The following ZNF496 variants were observed in gnomAD, a reference collection of about 807,000 sequenced individuals.
ZNF496 encodes the protein zinc finger protein 496, also known as NSD1 (nuclear receptor binding SET-domain containing 1)-interacting zinc finger protein 1.
ZNF496 carries 11 observed loss-of-function variants against 58.9 expected under a neutral mutation model. The observed-to-expected ratio is 0.19, with a 90% CI of 0.12 to 0.31. The LOEUF is 0.31. Among genes scored for constraint, ZNF496 ranks in the 10% least tolerant of loss-of-function variants. ZNF496 has a pLI of 1.00. For synonymous variants in ZNF496, 338 were observed against 318.2 expected, an observed-to-expected ratio of 1.06 and a Z score of -0.66; for missense variants, 660 against 783.0, an observed-to-expected ratio of 0.84 and a Z score of 1.88.
chr1:247,325,150 C>A (rs1202152671), intron 5 of ZNF496, among the ~76,000 whole-genome samples: 1 of 152,196 alleles, frequency 6.6e-6, no homozygotes, highest in African/African-American at 2.4e-5. Flanking sequence ...ACAAAGCCTG[C>A]AGGAAACAGC....
At position 247,298,814 on chromosome 1, in the gene ZNF496, A is replaced by G. The variant is rs925989658; in HGVS notation, c.*1705T>C. The G allele has an allele frequency of 1.3e-5, 2 of 152,236 alleles. No homozygotes were observed. The highest frequency in any genetic ancestry group is 2.9e-5 in the Non-Finnish European group (2 of 68,074). The allele number at this position is 152,236 out of a possible 1,614,324, so 9.4% of individuals were successfully genotyped here. A position where few individuals can be genotyped will look rare whatever the true frequency, so the allele number is the denominator to read the frequency against. Reference sequence around the variant, plus strand: ...TAGCCAACATAACCAGTCTTCCAGGAACAATACCATGTTTTAAATTGCTTG... The same window carrying G: ...TAGCCAACATAACCAGTCTTCCAGGGACAATACCATGTTTTAAATTGCTTG... On this transcript the variant is annotated 3_prime_UTR_variant, in exon 10 of 10. Coordinates refer to ENST00000682384, the MANE Select transcript of ZNF496 (RefSeq NM_032752.3).
In ZNF496 at chr1:247,309,290, TG is replaced by T; in HGVS notation, c.892+408del. On this transcript the variant is annotated intron_variant, in intron 8 of 9. Transcript: ENST00000682384. This position sits in a 1 kb window ranked among gnomAD's most constrained non-coding sequence, Gnocchi z 4.3. Reference sequence around the variant, plus strand: ...TCACAGCACCCCTGTACCAGGCAGATGGGAAGACTAGACAGGTGAGGCACCT... The same window carrying T: ...TCACAGCACCCCTGTACCAGGCAGATGGAAGACTAGACAGGTGAGGCACCT... The T allele has an allele frequency of 1.4e-6, 1 of 708,660 alleles. No individual in the cohort carries two copies. The highest frequency in any genetic ancestry group is 1.8e-6 in the Non-Finnish European group (1 of 564,578). 43.9% of individuals were successfully genotyped at this position (708,660 alleles called of 1,614,324 possible). A position where few individuals can be genotyped will look rare whatever the true frequency, so the allele number is the denominator to read the frequency against.
intron 9 of ZNF496, among the ~76,000 whole-genome samples, chr1:247,303,372 G>T (rs567596300): frequency 6.6e-6 from 1 of 152,342 alleles, no homozygotes; most frequent in Admixed American, 6.5e-5. Context: ...TGTTATGGTA[G>T]CCACAGTAGA....
Position 247,331,542 on chromosome 1 carries a change from T to C in ZNF496, c.-264A>G, listed in dbSNP as rs1450539907. 1 of 152,028 alleles carries C rather than the reference T, an allele frequency of 6.6e-6. No individual in the cohort carries two copies. The highest frequency in any genetic ancestry group is 1.5e-5 in the Non-Finnish European group (1 of 68,026). 9.4% of individuals were successfully genotyped at this position (152,028 alleles called of 1,614,324 possible). On this transcript the variant is annotated 5_prime_UTR_variant, in exon 2 of 10. Coordinates refer to ENST00000682384, the MANE Select transcript of ZNF496 (RefSeq NM_032752.3). ...AGCCCGCCCGGCCGGGCGTACTCGC[T>C]GAGGCGGGGTCTCCGCAGGCGCCCG... is the stretch of plus-strand genomic sequence containing the variant.
Position 247,329,721 on chromosome 1 carries a change from G to A in ZNF496, c.-37-106C>T. On this transcript the variant is annotated intron_variant, in intron 3 of 9. Coordinates refer to ENST00000682384, the MANE Select transcript of ZNF496 (RefSeq NM_032752.3). This position sits in a 1 kb window ranked among gnomAD's most constrained non-coding sequence, Gnocchi z 5.5. ...CAATGCCCTCAGAGACCAGCCCTTT[G>A]GAGAAGCCCTGGGAAAGGTAGGGAG... 9.0e-7 allele frequency: 1 copy of A among 1,106,382 alleles called. No homozygotes were observed. The highest frequency in any genetic ancestry group is 1.3e-6 in the Non-Finnish European group (1 of 790,324). 68.5% of individuals were successfully genotyped at this position (1,106,382 alleles called of 1,614,324 possible). A position where few individuals can be genotyped will look rare whatever the true frequency, so the allele number is the denominator to read the frequency against.
Position 247,329,126 on chromosome 1 carries a change from G to T in ZNF496, c.390+63C>A. 6.2e-7 allele frequency: 1 copy of T among 1,609,222 alleles called. No homozygotes were observed. The highest frequency in any genetic ancestry group is 1.7e-5 in the Admixed American group (1 of 59,760). On this transcript the variant is annotated intron_variant, in intron 4 of 9. Coordinates refer to ENST00000682384, the MANE Select transcript of ZNF496 (RefSeq NM_032752.3). The surrounding 1 kb of genome is among the most constrained non-coding windows in gnomAD (Gnocchi z 5.5). ...CTCATTCCCCAGCCAGCACATGCAT[G>T]GCCCAGCCAAAGTGTCTAAGTACCA...
rs2103031029 is a variant in ZNF496, at chr1:247,324,545, G to C, written c.575-1315C>G. On this transcript the variant is annotated intron_variant, in intron 5 of 9. Coordinates refer to ENST00000682384, the MANE Select transcript of ZNF496 (RefSeq NM_032752.3). ...TTAGCTTGACTTTTTTTTTTTTTAA[G>C]AGACTGGTCTCACTAGGTTGCCTAG... 2.8e-5 allele frequency among the ~76,000 whole-genome samples: 4 copies of C among 144,892 alleles called. No homozygotes were observed. In the East Asian group the frequency reaches 8.0e-4, roughly 29 times the overall value.
chr1:247,307,890 A>C, intron 9 of ZNF496: 1 of 985,034 alleles, frequency 1.0e-6, no homozygotes. Flanking sequence ...GACGACTCAG[A>C]GTCTACACTG....
chr1:247,314,190 C>A (rs1659700478), intron 6 of ZNF496, among the ~76,000 whole-genome samples: 1 of 152,168 alleles, frequency 6.6e-6, no homozygotes, highest in Non-Finnish European at 1.5e-5. Context: ...TCCCAAGTAG[C>A]TGGGACTACA....
chr1:247,304,237 C>T (rs1659334640), intron 9 of ZNF496, among the ~76,000 whole-genome samples: 2 of 152,178 alleles, frequency 1.3e-5, no homozygotes, highest in South Asian at 4.1e-4. Context: ...CCAGAGAGTA[C>T]AGGCTCAGGA....
intron 6 of ZNF496, chr1:247,311,416 AAC>A (rs1558152269): frequency 1.8e-5 from 2 of 108,124 alleles, no homozygotes; most frequent in Non-Finnish European, 3.8e-5. Context: ...AAAAAAACAA[AAC>A]ACACACACAG....
Position 247,310,365 on chromosome 1 carries a change from T to A in ZNF496, c.743A>T (p.Glu248Val). The change falls in exon 7 of 10, where the codon GAG becomes GTG. Residue 248 changes from glutamate (E) to valine (V), a missense_variant. By Grantham distance (121) the Glu-to-Val change is moderately radical. Transcript: ENST00000682384. ...LDPAQTGFYG[E>V]FIIGEDYGVS... ...CCCGTAATCCTCCCCAATGATGAAC[T>A]CTCCATAGAAGCCAGTCTGGGCAGG... 6.2e-7 allele frequency: 1 copy of A among 1,614,078 alleles called. No homozygotes were observed. The highest frequency in any genetic ancestry group is 2.2e-5 in the East Asian group (1 of 44,870).
At position 247,308,525 on chromosome 1, in the gene ZNF496, G is replaced by A; in HGVS notation, c.956C>T (p.Pro319Leu). 1 of 1,614,114 alleles carries A rather than the reference G, an allele frequency of 6.2e-7. No homozygotes were observed. The highest frequency in any genetic ancestry group is 1.1e-5 in the South Asian group (1 of 91,070). The change falls in exon 9 of 10, where the codon CCA (proline) becomes CTA (leucine). Residue 319 changes from proline to leucine, a missense_variant. Transcript: ENST00000682384. The surrounding 1 kb of genome is among the most constrained non-coding windows in gnomAD (Gnocchi z 4.5). ...ERRKREELQV[P>L]EFQACPQTVV... Reference sequence around the variant, plus strand: ...CGTCTGTGGGCAGGCCTGGAACTCTGGCACCTGCAGCTCCTCACGTTTCCT... The same window carrying A: ...CGTCTGTGGGCAGGCCTGGAACTCTAGCACCTGCAGCTCCTCACGTTTCCT...
intron 9 of ZNF496, among the ~76,000 whole-genome samples, chr1:247,302,733 C>T (rs538003879): frequency 2.0e-5 from 3 of 152,234 alleles, no homozygotes; most frequent in Admixed American, 6.5e-5. Context: ...TGGGTCATCT[C>T]GTCTACAAGG....
At chr1:247,307,835 G>A in intron 9 of ZNF496, 1 of 985,368 alleles carries the variant, frequency 1.0e-6, no homozygotes, top group East Asian at 1.1e-4. Flanking sequence ...AGAGAAAGAT[G>A]GCAGTATTGT....
chr1:247,311,090 C>T (rs2103021596), intron 6 of ZNF496: 1 of 152,724 alleles, frequency 6.5e-6, no homozygotes, highest in Non-Finnish European at 1.5e-5. Context: ...TGAAATGAAA[C>T]AAGTTATGTG....
chr1:247,310,405 A>T lies in ZNF496; in HGVS notation c.703T>A (p.Trp235Arg), dbSNP rs1490479464. Residue 235 changes from tryptophan (W) to arginine (R), a missense_variant, in exon 7 of 10, where the codon TGG becomes AGG. By Grantham distance (101) the Trp-to-Arg change is moderately radical. Transcript: ENST00000682384. ...GTCTGGGCAGGATCTAGAAGGGACC[A>T]ATCCTCTTCAGAGAAGCATAAAATC... ...DMILCFSEED[W>R]SLLDPAQTGF... 1 of 1,614,208 alleles carries T rather than the reference A, an allele frequency of 6.2e-7. No homozygotes were observed. Among genetic ancestry groups the T allele is most frequent in the Non-Finnish European group, 8.5e-7 (1 of 1,180,028 alleles).
chr1:247,310,501 A>G (rs1459210350), intron 6 of ZNF496, 45 bp from the exon 7 acceptor site: 7 of 1,610,940 alleles, frequency 4.3e-6, no homozygotes, highest in Admixed American at 1.7e-5. Flanking sequence ...GGGACGAGCT[A>G]GGTGTCTCAG....
In ZNF496 at chr1:247,309,920, G is replaced by T; in HGVS notation, c.785-114C>A. 1 of 1,379,390 alleles carries T rather than the reference G, an allele frequency of 7.2e-7. No homozygotes were observed. Among genetic ancestry groups the T allele is most frequent in the Non-Finnish European group, 9.8e-7 (1 of 1,020,952 alleles). 85.4% of individuals were successfully genotyped at this position (1,379,390 alleles called of 1,614,324 possible). On this transcript the variant is annotated intron_variant, in intron 7 of 9. Coordinates refer to ENST00000682384, the MANE Select transcript of ZNF496 (RefSeq NM_032752.3). This position sits in a 1 kb window ranked among gnomAD's most constrained non-coding sequence, Gnocchi z 4.3. ...ATGCCCAGCGGGCATGGCACCATCA[G>T]GGGCGAGAAGTGAAAAGGCCAGAGC...
Sources: allele counts gnomAD v4.1 joint callset (sites outside exome capture counted in the v4.1 genomes callset), GRCh38; gene constraint gnomAD v4.1.1; non-coding constraint Gnocchi (gnomAD v3.1); transcripts MANE v1.5; gene names NCBI Gene and HGNC (gene_info 2026-07-23, HGNC 2026-07-21).